FIGNL2: variants seen among roughly 807,000 people sequenced by gnomAD.
FIGNL2 encodes the protein fidgetin like 2, also known as fidgetin-like protein 2.
For missense variants in FIGNL2, 1,060 were observed against 950.2 expected, an observed-to-expected ratio of 1.12 and a Z score of -1.52; for synonymous variants, 565 against 484.0, an observed-to-expected ratio of 1.17 and a Z score of -2.20.
In FIGNL2 at chr12:51,821,658, G is replaced by C; in HGVS notation, c.756C>G (p.Phe252Leu). The change falls in exon 2 of 2, where the codon TTC becomes TTG. Residue 252 changes from phenylalanine to leucine, a missense_variant. By Grantham distance (22) the Phe-to-Leu change is conservative (BLOSUM62 0). Coordinates refer to ENST00000618634, the MANE Select transcript of FIGNL2 (RefSeq NM_001384995.1). ...ATTCGGCACCCGGCGCGGCCGTGGG[G>C]AAGCCATAGGCGGTGGGCGGTGCCG... ...PAPAPPTAYG[F>L]PTAAPGAESG... 11 of 1,461,104 alleles carry C rather than the reference G, an allele frequency of 7.5e-6. No homozygotes were observed. Among genetic ancestry groups the C allele is most frequent in the Non-Finnish European group, 9.0e-6 (10 of 1,112,932 alleles). The allele number at this position is 1,461,104 out of a possible 1,614,324, so 90.5% of individuals were successfully genotyped here.
At chr12:51,824,791 C>T (rs1200672345) in intron 1 of FIGNL2, among the ~76,000 whole-genome samples, 2 of 152,210 alleles carry the variant, frequency 1.3e-5, no homozygotes, top group African/African-American at 4.8e-5. Context: ...TGCCTGTAAT[C>T]CCAACACTTT....
At chr12:51,834,536 C>T (rs929072441) in intron 1 of FIGNL2, among the ~76,000 whole-genome samples, 2 of 152,220 alleles carry the variant, frequency 1.3e-5, no homozygotes, top group East Asian at 1.9e-4. Context: ...GAGGCCGCCC[C>T]GCCAGTCTGG....
At chr12:51,836,506 A>T (rs1365460160) in intron 1 of FIGNL2, among the ~76,000 whole-genome samples, 3 of 152,140 alleles carry the variant, frequency 2.0e-5, no homozygotes, top group Non-Finnish European at 4.4e-5. Context: ...CCAGTCTCTC[A>T]TGTCCAGCCT....
At chr12:51,845,110 A>G (rs1440302659) in intron 1 of FIGNL2, among the ~76,000 whole-genome samples, 2 of 152,234 alleles carry the variant, frequency 1.3e-5, no homozygotes, top group Non-Finnish European at 2.9e-5. Flanking sequence ...GATGGCTTTC[A>G]TCAGTGTCTC....
rs1479426814 is a variant in FIGNL2, at chr12:51,821,154, G to A, written c.1260C>T (p.Gly420=). 3 of 1,470,930 alleles carry A rather than the reference G, an allele frequency of 2.0e-6. No homozygotes were observed. The highest frequency in any genetic ancestry group is 3.0e-5 in the African/African-American group (2 of 66,982). The allele number at this position is 1,470,930 out of a possible 1,614,324, so 91.1% of individuals were successfully genotyped here. A position where few individuals can be genotyped will look rare whatever the true frequency, so the allele number is the denominator to read the frequency against. Reference sequence around the variant, plus strand: ...GGACGGTCCGCGGCGGGCGCAGGCTGCCCGGGTAGGCGGGCGGCCTGAGCA... The same window carrying A: ...GGACGGTCCGCGGCGGGCGCAGGCTACCCGGGTAGGCGGGCGGCCTGAGCA... ...WPLLRPPAYP[G]SLRPPRTVLL... Residue 420 remains glycine (G), a synonymous_variant, in exon 2 of 2, where the codon GGC becomes GGT. Transcript: ENST00000618634.
chr12:51,820,876 G>A lies in FIGNL2; in HGVS notation c.1538C>T (p.Pro513Leu), dbSNP rs769092978. The A allele has an allele frequency of 1.2e-5, 16 of 1,375,514 alleles. No homozygotes were observed. Among genetic ancestry groups the A allele is most frequent in the South Asian group, 3.4e-5 (2 of 58,276 alleles). 85.2% of individuals were successfully genotyped at this position (1,375,514 alleles called of 1,614,324 possible). A position where few individuals can be genotyped will look rare whatever the true frequency, so the allele number is the denominator to read the frequency against. The part of the protein sequence containing the change: ...GAAAGGALQV[P>L]LLACLDGGCG... ...GCCCCCGTCCAGGCAGGCCAGGAGCGGCACCTGCAGCGCGCCCCCTGCCGC... is the reference window on the plus strand; with the variant it reads ...GCCCCCGTCCAGGCAGGCCAGGAGCAGCACCTGCAGCGCGCCCCCTGCCGC... The change falls in exon 2 of 2, where the codon CCG (proline) becomes CTG (leucine). Residue 513 changes from proline (P) to leucine (L), a missense_variant. By Grantham distance (98) the Pro-to-Leu change is moderately conservative (BLOSUM62 -3). Transcript: ENST00000618634.
Position 51,821,966 on chromosome 12 carries a change from C to A in FIGNL2, c.448G>T (p.Gly150Trp). Reference sequence around the variant, plus strand: ...TACTCGGGCGCCGCCGATGGGCCCCCGCACGCATTGCCGGCGTAGAGGGGT... The same window carrying A: ...TACTCGGGCGCCGCCGATGGGCCCCAGCACGCATTGCCGGCGTAGAGGGGT... ...PEPLYAGNAC[G>W]GPSAAPEYAA... Residue 150 changes from glycine (G) to tryptophan (W), a missense_variant, in exon 2 of 2, where the codon GGG becomes TGG. Physicochemically the swap from Gly to Trp is radical, Grantham distance 184. Coordinates refer to ENST00000618634, the MANE Select transcript of FIGNL2 (RefSeq NM_001384995.1). 6.4e-7 allele frequency: 1 copy of A among 1,554,720 alleles called. No individual in the cohort carries two copies. Among genetic ancestry groups the A allele is most frequent in the Non-Finnish European group, 8.7e-7 (1 of 1,151,000 alleles).
intron 1 of FIGNL2, among the ~76,000 whole-genome samples, chr12:51,832,839 G>A (rs909117183): frequency 1.3e-5 from 2 of 152,226 alleles, no homozygotes; most frequent in East Asian, 1.9e-4. Flanking sequence ...GTGAAACTCC[G>A]GGCTCCCACA....
chr12:51,820,591 C>T lies in FIGNL2; in HGVS notation c.1823G>A (p.Gly608Glu), dbSNP rs1041385807. Residue 608 changes from glycine (G) to glutamate (E), a missense_variant, in exon 2 of 2, where the codon GGG (glycine) becomes GAG (glutamate). By Grantham distance (98) the Gly-to-Glu change is moderately conservative. Coordinates refer to ENST00000618634, the MANE Select transcript of FIGNL2 (RefSeq NM_001384995.1). Reference sequence around the variant, plus strand: ...GCGCTGCAGCCCCGGGAGGCCCGCCCCGGCCGCCGCCTGCTGGCACAGCTG... The same window carrying T: ...GCGCTGCAGCCCCGGGAGGCCCGCCTCGGCCGCCGCCTGCTGGCACAGCTG... ...LGQLCQQAAA[G>E]AGLPGLQRPL... 1 of 1,525,934 alleles carries T rather than the reference C, an allele frequency of 6.6e-7. No individual in the cohort carries two copies. Among genetic ancestry groups the T allele is most frequent in the African/African-American group, 1.4e-5 (1 of 71,608 alleles). 94.5% of individuals were successfully genotyped at this position (1,525,934 alleles called of 1,614,324 possible). A position where few individuals can be genotyped will look rare whatever the true frequency, so the allele number is the denominator to read the frequency against.
chr12:51,845,391 G>A (rs1164790713), intron 1 of FIGNL2: 2 of 874,998 alleles, frequency 2.3e-6, no homozygotes, highest in Non-Finnish European at 1.4e-6. Context: ...CTCCCAAAAG[G>A]GGGCAGGACC....
Position 51,822,025 on chromosome 12 carries a change from C to G in FIGNL2, c.389G>C (p.Gly130Ala). The change falls in exon 2 of 2, where the codon GGG becomes GCG. Residue 130 changes from glycine to alanine, a missense_variant. Physicochemically the swap from Gly to Ala is moderately conservative, Grantham distance 60. Transcript: ENST00000618634. Reference sequence around the variant, plus strand: ...GTTCCCGGCTAAAACTGGGGAGCCCCCCAGGGCCCCGGAACCGCCGCCACC... The same window carrying G: ...GTTCCCGGCTAAAACTGGGGAGCCCGCCAGGGCCCCGGAACCGCCGCCACC... ...SGGGGGSGALGGSPVLAGNLP... is the reference protein window; with the variant it reads ...SGGGGGSGALAGSPVLAGNLP... 6.2e-7 allele frequency: 1 copy of G among 1,603,278 alleles called. No homozygotes were observed. The highest frequency in any genetic ancestry group is 8.5e-7 in the Non-Finnish European group (1 of 1,175,772).
Position 51,821,826 on chromosome 12 carries a change from G to A in FIGNL2, c.588C>T (p.Tyr196=). 1 of 1,276,842 alleles carries A rather than the reference G, an allele frequency of 7.8e-7. No homozygotes were observed. The highest frequency in any genetic ancestry group is 9.8e-7 in the Non-Finnish European group (1 of 1,015,704). 79.1% of individuals were successfully genotyped at this position (1,276,842 alleles called of 1,614,324 possible). ...ALLQPPPPPG[Y]GPSAPLYNYP... ...AGTTGTACAGCGGCGCTGAGGGCCC[G>A]TACCCCGGAGGCGGTGGGGGCTGCA... The change falls in exon 2 of 2, where the codon TAC becomes TAT. Residue 196 remains tyrosine (Y), a synonymous_variant. Transcript: ENST00000618634.
chr12:51,825,040 A>C (rs925458955), intron 1 of FIGNL2, among the ~76,000 whole-genome samples: 1 of 151,966 alleles, frequency 6.6e-6, no homozygotes, highest in South Asian at 2.1e-4. Flanking sequence ...GTGAGACTCC[A>C]TCTCAAAACA....
At chr12:51,844,895 G>A in intron 1 of FIGNL2, 1 of 985,082 alleles carries the variant, frequency 1.0e-6, no homozygotes, top group Non-Finnish European at 1.2e-6. Flanking sequence ...CCTACTGCAA[G>A]TAATATGGCC....
chr12:51,848,278 G>A (rs1039065579), intron 1 of FIGNL2: 2 of 984,788 alleles, frequency 2.0e-6, no homozygotes, highest in Middle Eastern at 5.2e-4. Flanking sequence ...AGGGGGCTGC[G>A]AGACGGGTGC....
chr12:51,839,518 G>A (rs1008883877), intron 1 of FIGNL2, among the ~76,000 whole-genome samples: 4 of 152,270 alleles, frequency 2.6e-5, no homozygotes, highest in Non-Finnish European at 5.9e-5. Context: ...TGCTAGGGTG[G>A]TCTTTCTGTC....
chr12:51,831,275 T>TTCATTTTGCAGCTAGGGAGC (rs1555233789), intron 1 of FIGNL2, among the ~76,000 whole-genome samples: 1 of 150,514 alleles, frequency 6.6e-6, no homozygotes, highest in Non-Finnish European at 1.5e-5. Flanking sequence ...CGCTAGGGAG[T>TTCATTTTGCAGCTAGGGAGC]CAGGAATTCA....
In FIGNL2 at chr12:51,822,159, G is replaced by A. The variant is rs374992430; in HGVS notation, c.255C>T (p.Asp85=). Reference sequence around the variant, plus strand: ...CTTTGGCGCCGTTGAGGAAGGAGGCGTCGCTGTACCCGCCCAGGGCCGGAC... The same window carrying A: ...CTTTGGCGCCGTTGAGGAAGGAGGCATCGCTGTACCCGCCCAGGGCCGGAC... ...YERPALGGYS[D]ASFLNGAKGD... The change falls in exon 2 of 2, where the codon GAC becomes GAT. Residue 85 remains aspartate, a synonymous_variant. Transcript: ENST00000618634. The A allele has an allele frequency of 3.7e-6, 6 of 1,611,450 alleles. No individual in the cohort carries two copies. The highest frequency in any genetic ancestry group is 1.3e-5 in the African/African-American group (1 of 74,884).
At position 51,821,242 on chromosome 12, in the gene FIGNL2, C is replaced by A; in HGVS notation, c.1172G>T (p.Trp391Leu). Residue 391 changes from tryptophan (W) to leucine (L), a missense_variant, in exon 2 of 2, where the codon TGG becomes TTG. Transcript: ENST00000618634. ...KMVDCGPPVQ[W>L]ADVAGQGALK... ...CGCGCCCTGGCCCGCCACATCCGCCCACTGCACCGGGGGCCCGCAGTCCAC... is the reference window on the plus strand; with the variant it reads ...CGCGCCCTGGCCCGCCACATCCGCCAACTGCACCGGGGGCCCGCAGTCCAC... The A allele has an allele frequency of 1.3e-6, 2 of 1,525,772 alleles. No individual in the cohort carries two copies. The highest frequency in any genetic ancestry group is 8.8e-7 in the Non-Finnish European group (1 of 1,142,526). 94.5% of individuals were successfully genotyped at this position (1,525,772 alleles called of 1,614,324 possible).
Sources: gnomAD v4.1 joint callset for allele counts (sites outside exome capture counted in the v4.1 genomes callset) on GRCh38, gnomAD v4.1.1 for gene constraint, MANE v1.5 for transcripts, NCBI Gene and HGNC (gene_info 2026-07-23, HGNC 2026-07-21) for gene names.